The following EPHB2 variants were observed in gnomAD, a reference collection of about 807,000 sequenced individuals.
EPHB2 encodes EPH receptor B2.
In EPHB2, 18 loss-of-function variants were observed where a neutral mutation model predicts 96.4. The ratio of observed to expected loss-of-function variants is 0.19; its 90% CI spans 0.13 to 0.28. The LOEUF (loss-of-function observed/expected upper bound fraction) is 0.28, where lower values mean the gene tolerates loss of function less well. Ranked by LOEUF, EPHB2 falls within the 10% of genes least tolerant of loss-of-function variation. The pLI, the probability that EPHB2 is intolerant of heterozygous loss-of-function variation, is 1.00. For missense variants in EPHB2, 989 were observed against 1,355.4 expected (o/e 0.73, Z 4.25); for synonymous variants, 506 against 534.1 (o/e 0.95, Z 0.72).
At chr1:22,840,270 G>A (rs1645446932) in intron 3 of EPHB2, among the ~76,000 whole-genome samples, 1 of 152,078 alleles carries the variant, frequency 6.6e-6, no homozygotes, top group Non-Finnish European at 1.5e-5. Flanking sequence ...TTTATTGAAG[G>A]AATAACGATG....
At chr1:22,814,116 G>GC (rs34240500) in intron 3 of EPHB2, among the ~76,000 whole-genome samples, 3 of 152,118 alleles carry the variant, frequency 2.0e-5, no homozygotes, top group Non-Finnish European at 4.4e-5. Flanking sequence ...GTTGCAGTGA[G>GC]CCGAGATCGC....
chr1:22,730,812 C>T (rs565764281), intron 1 of EPHB2, among the ~76,000 whole-genome samples: 7 of 152,170 alleles, frequency 4.6e-5, no homozygotes, highest in African/African-American at 1.4e-4. Context: ...GAGATGGGAG[C>T]GGTGCAGGGC....
intron 1 of EPHB2, among the ~76,000 whole-genome samples, chr1:22,779,156 CTTG>C (rs1052369029): frequency 2.0e-5 from 3 of 152,248 alleles, no homozygotes; most frequent in African/African-American, 7.2e-5. Context: ...AAGTTCAGCC[CTTG>C]TTCTCTCCAG....
intron 5 of EPHB2, among the ~76,000 whole-genome samples, chr1:22,877,034 G>A (rs943521076): frequency 1.3e-5 from 2 of 152,226 alleles, no homozygotes; most frequent in African/African-American, 4.8e-5. Context: ...GGTGGTAGGT[G>A]AGTCAGCGGG....
rs200423007 is a variant in EPHB2, at chr1:22,733,249, G to A, written c.61+22206G>A. Among the ~76,000 whole-genome samples the A allele has an allele frequency of 1.6e-4, 25 of 152,100 alleles. No homozygotes were observed. The East Asian group carries it at 3.3e-3, about 20-fold the overall frequency. Reference sequence around the variant, plus strand: ...TTTTTAGTAGAGACGGGGTTTCACCGTGTTGGCCAGGCTGGTCTCAAACTT... The same window carrying A: ...TTTTTAGTAGAGACGGGGTTTCACCATGTTGGCCAGGCTGGTCTCAAACTT... On this transcript the variant is annotated intron_variant, in intron 1 of 15. Transcript: ENST00000374630. The surrounding 1 kb of genome is among the most constrained non-coding windows in gnomAD (Gnocchi z 4.6).
intron 1 of EPHB2, among the ~76,000 whole-genome samples, chr1:22,735,438 C>CAAA (rs71878649): frequency 2.2e-4 from 31 of 138,080 alleles, no homozygotes; most frequent in African/African-American, 6.6e-4. Flanking sequence ...GACCCGGTAT[C>CAAA]AAAAAAAAAA....
Position 22,910,435 on chromosome 1 carries a change from G to C in EPHB2, c.2556G>C (p.Pro852=), listed in dbSNP as rs779937841. The C allele has an allele frequency of 3.7e-6, 6 of 1,614,052 alleles. No individual in the cohort carries two copies. The East Asian group carries it at 1.1e-4, about 30-fold the overall frequency. Residue 852 remains proline, a synonymous_variant, in exon 14 of 16, where the codon CCG becomes CCC. Transcript: ENST00000374630. ...DYRLPPPMDC[P]SALHQLMLDC... is the part of the protein sequence containing the mutation. ...GGCTGCCACCGCCCATGGACTGCCC[G>C]AGCGCCCTGCACCAACTCATGCTGG...
At chr1:22,828,010 CAG>C (rs907719864) in intron 3 of EPHB2, among the ~76,000 whole-genome samples, 30 of 152,278 alleles carry the variant, frequency 2.0e-4, no homozygotes, top group African/African-American at 6.7e-4. Flanking sequence ...GCCACACACT[CAG>C]AATAAGGAGA....
chr1:22,834,924 C>CA (rs1557702821), intron 3 of EPHB2, among the ~76,000 whole-genome samples: 1 of 148,920 alleles, frequency 6.7e-6, no homozygotes, highest in Non-Finnish European at 1.5e-5. Context: ...GACTCTGTCT[C>CA]AAAAAAATAA....
chr1:22,757,349 G>C (rs1400549916), intron 1 of EPHB2, among the ~76,000 whole-genome samples: 1 of 152,132 alleles, frequency 6.6e-6, no homozygotes, highest in Non-Finnish European at 1.5e-5. Flanking sequence ...GACAGTCAGG[G>C]AGGGTTTCCC....
rs1561626 is a variant in EPHB2, at chr1:22,724,198, G to A, written c.61+13155G>A. 3.0e-3 allele frequency among the ~76,000 whole-genome samples: 463 copies of A among 152,320 alleles called. 5 individuals are homozygous for A. The highest frequency in any genetic ancestry group is 4.3e-3 in the Non-Finnish European group (290 of 68,038). On this transcript the variant is annotated intron_variant, in intron 1 of 15. Coordinates refer to ENST00000374630, the MANE Select transcript of EPHB2 (RefSeq NM_017449.5). The stretch of plus-strand genomic sequence containing the variant: ...ACATGTTTACCACATTTGCTCTCCT[G>A]TGTGTTCTCACTCCCTCTGCTCCCC...
intron 1 of EPHB2, among the ~76,000 whole-genome samples, chr1:22,773,795 GC>G (rs747086183): frequency 1.8e-4 from 27 of 152,238 alleles, no homozygotes; most frequent in Middle Eastern, 3.4e-3. Flanking sequence ...GAAGCATTTT[GC>G]TCCCACTACA....
intron 9 of EPHB2, among the ~76,000 whole-genome samples, chr1:22,899,023 G>A (rs1006035971): frequency 2.6e-5 from 4 of 151,302 alleles, no homozygotes; most frequent in South Asian, 2.1e-4. Context: ...GAGAAACCCC[G>A]TCTCTACTGA....
intron 7 of EPHB2, among the ~76,000 whole-genome samples, chr1:22,894,512 G>T (rs1411940319): frequency 6.6e-6 from 1 of 151,262 alleles, no homozygotes; most frequent in Non-Finnish European, 1.5e-5. Context: ...CAGGAGAATC[G>T]CTTGAACCCG....
intron 6 of EPHB2, among the ~76,000 whole-genome samples, chr1:22,890,754 TAGTG>T (rs1325648123): frequency 2.0e-5 from 3 of 152,176 alleles, no homozygotes; most frequent in Non-Finnish European, 2.9e-5. Context: ...TTTCTCATGA[TAGTG>T]AGTGAGTTTG....
At chr1:22,851,774 G>C (rs1429262531) in intron 3 of EPHB2, among the ~76,000 whole-genome samples, 1 of 152,174 alleles carries the variant, frequency 6.6e-6, no homozygotes, top group East Asian at 1.9e-4. Flanking sequence ...CTCTCTGCAC[G>C]CACACCATGC....
chr1:22,765,069 TGTCTGA>T (rs1349949331), intron 1 of EPHB2, among the ~76,000 whole-genome samples: 3 of 152,136 alleles, frequency 2.0e-5, no homozygotes, highest in Non-Finnish European at 4.4e-5. Context: ...AGTGGGTGTC[TGTCTGA>T]GTCTAATTCT....
chr1:22,848,818 G>C (rs12723691), intron 3 of EPHB2, among the ~76,000 whole-genome samples: 46,159 of 152,002 alleles, frequency 0.3, 7,506 homozygotes, highest in Middle Eastern at 0.45. Context: ...CACAAGCAGA[G>C]CAACCTTCCA....
At chr1:22,724,092 T>C (rs1273985547) in intron 1 of EPHB2, among the ~76,000 whole-genome samples, 18 of 152,168 alleles carry the variant, frequency 1.2e-4, no homozygotes, top group Admixed American at 1.2e-3. Context: ...TTTCTTTTCT[T>C]TTTCACATTT....
Sources: allele counts gnomAD v4.1 joint callset (sites outside exome capture counted in the v4.1 genomes callset), GRCh38; gene constraint gnomAD v4.1.1; non-coding constraint Gnocchi (gnomAD v3.1); transcripts MANE v1.5; gene names NCBI Gene and HGNC (gene_info 2026-07-23, HGNC 2026-07-21).